The following IGSF11 variants were observed in gnomAD, a reference collection of about 807,000 sequenced individuals.
IGSF11 encodes immunoglobulin superfamily member 11.
A neutral mutation model predicts 41.0 loss-of-function variants in IGSF11; 22 were observed. The ratio of observed to expected loss-of-function variants is 0.54; its 90% CI spans 0.38 to 0.77. The LOEUF (loss-of-function observed/expected upper bound fraction) is 0.77, where lower values mean the gene tolerates loss of function less well. Ranked by LOEUF, IGSF11 falls within the 30% of genes least tolerant of loss-of-function variation. The probability of loss-of-function intolerance (pLI) is 0.00; values close to 1 mark genes in which losing one functional copy is unlikely to be tolerated. For missense variants in IGSF11, 444 were observed against 530.8 expected (o/e 0.84, Z 1.61); for synonymous variants, 219 against 201.3 (o/e 1.09, Z -0.74).
At chr3:118,997,637 C>T (rs895935971) in intron 1 of IGSF11, among the ~76,000 whole-genome samples, 1 of 150,874 alleles carries the variant, frequency 6.6e-6, no homozygotes, top group African/African-American at 2.4e-5. Context: ...TCAGACAGCA[C>T]ATCTAGGGTG....
At chr3:118,943,492 C>T (rs551975396) in intron 1 of IGSF11, among the ~76,000 whole-genome samples, 5 of 152,208 alleles carry the variant, frequency 3.3e-5, no homozygotes, top group South Asian at 4.1e-4. Flanking sequence ...GCTATTTTTT[C>T]GCTATTTCAG....
intron 1 of IGSF11, among the ~76,000 whole-genome samples, chr3:118,960,044 C>CAAA (rs199913346): frequency 0.12 from 9,352 of 80,852 alleles, 364 homozygotes; most frequent in East Asian, 0.18. Flanking sequence ...GACTCCGTCT[C>CAAA]AAAAAAAAAA....
chr3:119,045,383 G>T (rs767215430), intron 1 of IGSF11, among the ~76,000 whole-genome samples: 1 of 152,250 alleles, frequency 6.6e-6, no homozygotes, highest in Non-Finnish European at 1.5e-5. Flanking sequence ...AAGGGGTGAC[G>T]AACGGCACCT....
upstream of IGSF11, among the ~76,000 whole-genome samples, chr3:119,107,116 C>G (rs1203051587): frequency 5.9e-5 from 9 of 152,128 alleles, no homozygotes. Flanking sequence ...AATGGGATGG[C>G]TGGGTCAAAT....
chr3:118,936,061 G>A (rs867472081), intron 1 of IGSF11, among the ~76,000 whole-genome samples: 3 of 152,090 alleles, frequency 2.0e-5, no homozygotes, highest in Non-Finnish European at 4.4e-5. Context: ...CTTAGAGTAA[G>A]AAGGAGGGAA....
At chr3:118,963,015 T>C (rs6786886) in intron 1 of IGSF11, among the ~76,000 whole-genome samples, 62,887 of 151,988 alleles carry the variant, frequency 0.41, 16,623 homozygotes, top group African/African-American at 0.74. Flanking sequence ...AGTGCCACTT[T>C]GCTGACACAG....
intron 6 of IGSF11, among the ~76,000 whole-genome samples, chr3:118,903,844 A>G (rs1477639065): frequency 6.6e-6 from 1 of 152,194 alleles, no homozygotes; most frequent in East Asian, 1.9e-4. Context: ...TTATGTGAGG[A>G]GGTGATGCCT....
At chr3:118,911,261 A>T (rs947667450) in intron 4 of IGSF11, among the ~76,000 whole-genome samples, 3 of 152,226 alleles carry the variant, frequency 2.0e-5, no homozygotes, top group Non-Finnish European at 4.4e-5. Context: ...GGGCAAAAAA[A>T]AAGGGAGAAA....
At chr3:119,130,921 G>A (rs892906816) in intron 1 of IGSF11, among the ~76,000 whole-genome samples, 4 of 152,196 alleles carry the variant, frequency 2.6e-5, no homozygotes, top group Non-Finnish European at 5.9e-5. Context: ...ACGGCCTGGA[G>A]TGGACCCCCA....
chr3:119,038,690 A>G (rs1941002832), upstream of IGSF11, among the ~76,000 whole-genome samples: 1 of 152,304 alleles, frequency 6.6e-6, no homozygotes, highest in Middle Eastern at 3.4e-3. Flanking sequence ...TTTCATTTTT[A>G]TAAGGAATAT....
At chr3:119,091,281 G>A (rs75791457) in intron 1 of IGSF11, among the ~76,000 whole-genome samples, 8,236 of 152,246 alleles carry the variant, frequency 0.054, 351 homozygotes, top group Admixed American at 0.15. Flanking sequence ...CAGCTTCTGT[G>A]GAAAGCAGTC....
At chr3:118,995,808 A>C (rs1936212580) in intron 1 of IGSF11, among the ~76,000 whole-genome samples, 1 of 151,916 alleles carries the variant, frequency 6.6e-6, no homozygotes, top group Admixed American at 6.6e-5. Flanking sequence ...GCCCGCCACC[A>C]CGCCCCGCTA....
intron 1 of IGSF11, among the ~76,000 whole-genome samples, chr3:118,982,620 G>C (rs936239191): frequency 6.6e-6 from 1 of 151,964 alleles, no homozygotes; most frequent in Non-Finnish European, 1.5e-5. Flanking sequence ...AAAAATTAAT[G>C]TTCCTTTTTT....
rs1229764288 is a variant in IGSF11 at position 118,928,617 on chromosome 3, A to G, written c.316T>C (p.Phe106Leu). 1 of 1,614,094 alleles carries G rather than the reference A, an allele frequency of 6.2e-7. No homozygotes were observed. Among genetic ancestry groups the G allele is most frequent in the South Asian group, 1.1e-5 (1 of 91,082 alleles). ...TCTGATAACTGAGTGTTATTAATGA[A>G]GATAGAGACATTGGTAGCTGGCATG... ...GTMPATNVSI[F>L]INNTQLSDTG... Residue 106 changes from phenylalanine (F) to leucine (L), a missense_variant, in exon 3 of 7, where the codon TTC (phenylalanine) becomes CTC (leucine). Transcript: ENST00000393775.
chr3:118,935,453 CATATAT>C (rs1479823652), intron 1 of IGSF11, among the ~76,000 whole-genome samples: 1 of 146,364 alleles, frequency 6.8e-6, no homozygotes, highest in Non-Finnish European at 1.5e-5. Flanking sequence ...TGTGTGTGTA[CATATAT>C]ATATCAGATG....
chr3:119,129,235 A>G (rs2077444257), intron 1 of IGSF11, among the ~76,000 whole-genome samples: 1 of 152,162 alleles, frequency 6.6e-6, no homozygotes, highest in Non-Finnish European at 1.5e-5. Flanking sequence ...ACGTATACCT[A>G]TGTACCAAAC....
chr3:118,961,991 T>C (rs1023835519), intron 1 of IGSF11, among the ~76,000 whole-genome samples: 1 of 152,198 alleles, frequency 6.6e-6, no homozygotes, highest in African/African-American at 2.4e-5. Context: ...GAACACTAAT[T>C]ATATGTGATT....
chr3:119,003,694 G>A (rs916744655), intron 1 of IGSF11, among the ~76,000 whole-genome samples: 11 of 151,906 alleles, frequency 7.2e-5, no homozygotes, highest in African/African-American at 2.7e-4. Context: ...TTTTGTCAAA[G>A]GCTTTTTCTG....
rs551115638 is a variant in IGSF11 at position 118,902,222 on chromosome 3, C to T, written c.*298G>A. On this transcript the variant is annotated 3_prime_UTR_variant, in exon 7 of 7. Coordinates refer to ENST00000393775, the MANE Select transcript of IGSF11 (RefSeq NM_001015887.3). Reference sequence around the variant, plus strand: ...GGCATGAAGAACAAGCCCATCTGGGCGGCAGTTTGGATTTTAAGTACTATT... The same window carrying T: ...GGCATGAAGAACAAGCCCATCTGGGTGGCAGTTTGGATTTTAAGTACTATT... The T allele has an allele frequency of 2.4e-4, 66 of 274,982 alleles. No individual in the cohort carries two copies. In the South Asian group the frequency reaches 2.5e-3, roughly 11 times the overall value. 17.0% of individuals were successfully genotyped at this position (274,982 alleles called of 1,614,324 possible).
Sources: allele counts gnomAD v4.1 joint callset (sites outside exome capture counted in the v4.1 genomes callset), GRCh38; gene constraint gnomAD v4.1.1; transcripts MANE v1.5; gene names NCBI Gene and HGNC (gene_info 2026-07-23, HGNC 2026-07-21).